Variants in FANCD2OS observed in about 807,000 individuals in gnomAD.
The protein encoded by FANCD2OS is FANCD2 opposite strand protein.
FANCD2OS carries 11 observed loss-of-function variants against 13.2 expected under a neutral mutation model. That is an observed-to-expected ratio of 0.83 (90% CI 0.52 to 1.38). The LOEUF (loss-of-function observed/expected upper bound fraction) is 1.38. FANCD2OS is among the 40% of genes most tolerant of loss of function. The pLI is 0.00. For missense variants in FANCD2OS, 217 were observed against 213.9 expected, an observed-to-expected ratio of 1.01 and a Z score of -0.09; for synonymous variants, 69 against 84.5, an observed-to-expected ratio of 0.82 and a Z score of 1.01.
At chr3:10,104,992 G>T (rs1468623940) in intron 1 of FANCD2OS, among the ~76,000 whole-genome samples, 1 of 152,006 alleles carries the variant, frequency 6.6e-6, no homozygotes, top group African/African-American at 2.4e-5. Flanking sequence ...TGTCACTCAG[G>T]CTGGAGTGCA....
chr3:10,106,799 G>A (rs1000278037), intron 1 of FANCD2OS, among the ~76,000 whole-genome samples: 35 of 152,200 alleles, frequency 2.3e-4, no homozygotes, highest in African/African-American at 7.5e-4. Context: ...CTGTAATCCC[G>A]GGTACTCAGG....
intron 2 of FANCD2OS, among the ~76,000 whole-genome samples, chr3:10,097,222 G>C (rs766592848): frequency 4.6e-5 from 7 of 152,200 alleles, no homozygotes; most frequent in Non-Finnish European, 5.9e-5. Context: ...TGCTAATGAA[G>C]TTTTGGGCAC....
intron 2 of FANCD2OS, among the ~76,000 whole-genome samples, chr3:10,091,293 C>G (rs1694593102): frequency 6.6e-6 from 1 of 151,644 alleles, no homozygotes; most frequent in Non-Finnish European, 1.5e-5. Flanking sequence ...GTTGCTCAGG[C>G]TGGTCTTGAA....
intron 2 of FANCD2OS, chr3:10,096,515 C>T (rs1694976010): frequency 5.0e-6 from 8 of 1,594,050 alleles, no homozygotes; most frequent in African/African-American, 1.3e-5. Flanking sequence ...TACTCTTATT[C>T]TTTGTGACAG....
At chr3:10,088,051 T>C (rs1694331513) in intron 2 of FANCD2OS, among the ~76,000 whole-genome samples, 1 of 152,168 alleles carries the variant, frequency 6.6e-6, no homozygotes, top group Non-Finnish European at 1.5e-5. Flanking sequence ...CAAACCTTTA[T>C]TTATCCCTAT....
At chr3:10,105,816 ATAT>A (rs1695482801) in intron 1 of FANCD2OS, among the ~76,000 whole-genome samples, 2 of 77,732 alleles carry the variant, frequency 2.6e-5, no homozygotes, top group Non-Finnish European at 5.0e-5. Context: ...ATATATATAT[ATAT>A]ATTTTGAGGT....
At chr3:10,093,274 C>G in intron 2 of FANCD2OS, 1 of 1,612,246 alleles carries the variant, frequency 6.2e-7, no homozygotes, top group East Asian at 2.2e-5. Context: ...TCTTGTCTTT[C>G]ACCTCTCCAG....
At chr3:10,100,544 G>A (rs1461375970), downstream of FANCD2OS, among the ~76,000 whole-genome samples, 1 of 152,130 alleles carries the variant, frequency 6.6e-6, no homozygotes, top group African/African-American at 2.4e-5. Flanking sequence ...GCTAGTTTTT[G>A]TATATTTAGT....
chr3:10,090,141 C>G, intron 2 of FANCD2OS: 1 of 654,504 alleles, frequency 1.5e-6, no homozygotes, highest in Non-Finnish European at 2.8e-6. Flanking sequence ...ATTACTGAGT[C>G]CTTTCCGCTC....
At position 10,104,714 on chromosome 3, in the gene FANCD2OS, G is replaced by T. The variant is rs757747853; in HGVS notation, c.61C>A (p.Arg21=). ...TPLDESFQWL[R]HTTPTPSSKH... ...GAGGAAGGTGTAGGTGTCGTGTGCC[G>T]CAGCCATTGGAAACTCTCATCCAGT... The change falls in exon 2 of 2, where the codon CGG becomes AGG. Residue 21 remains arginine, a synonymous_variant. Transcript: ENST00000450660. 1.9e-6 allele frequency: 3 copies of T among 1,611,016 alleles called. No homozygotes were observed. The African/African-American group carries it at 4.0e-5, about 22-fold the overall frequency.
At chr3:10,094,902 A>G (rs560851073) in intron 2 of FANCD2OS, 31 of 432,484 alleles carry the variant, frequency 7.2e-5, no homozygotes, top group South Asian at 6.9e-4. Context: ...TGAAAGAGAA[A>G]GGGAAGGTGG....
chr3:10,088,251 C>A (rs758004763), intron 2 of FANCD2OS, among the ~76,000 whole-genome samples: 1 of 152,096 alleles, frequency 6.6e-6, no homozygotes, highest in Non-Finnish European at 1.5e-5. Flanking sequence ...GAGCCTTAGG[C>A]AAATGAGTTT....
At chr3:10,101,344 C>G, downstream of FANCD2OS, 1 of 928,010 alleles carries the variant, frequency 1.1e-6, no homozygotes, top group Non-Finnish European at 1.8e-6. Flanking sequence ...CCGCTGTTTG[C>G]CTTTCTTACT....
chr3:10,086,126 C>A (rs1448710877), intron 2 of FANCD2OS, among the ~76,000 whole-genome samples: 3 of 152,206 alleles, frequency 2.0e-5, no homozygotes, highest in African/African-American at 7.2e-5. Context: ...CATGCTAAAT[C>A]TTCATGAATG....
intron 2 of FANCD2OS, chr3:10,085,731 G>A (rs1694153713): frequency 6.6e-6 from 6 of 910,060 alleles, no homozygotes; most frequent in South Asian, 3.9e-5. Flanking sequence ...TGATGGTACA[G>A]ACTGGAGGCC....
rs1694168766 is a variant in FANCD2OS, at chr3:10,085,900, C to G, written c.*44-4369G>C. The G allele has an allele frequency of 1.2e-6, 2 of 1,612,474 alleles. No individual in the cohort carries two copies. Among genetic ancestry groups the G allele is most frequent in the African/African-American group, 2.7e-5 (2 of 74,872 alleles). Reference sequence around the variant, plus strand: ...CCGACTGAAACAGGGAGAACACAGCCAGCCTTTGGAGGAACTACTCAGGTG... The same window carrying G: ...CCGACTGAAACAGGGAGAACACAGCGAGCCTTTGGAGGAACTACTCAGGTG... On this transcript the variant is annotated intron_variant, in intron 2 of 2. Coordinates refer to the FANCD2OS transcript ENST00000524279.
chr3:10,106,280 C>T (rs752549049), intron 1 of FANCD2OS, among the ~76,000 whole-genome samples: 13 of 152,152 alleles, frequency 8.5e-5, no homozygotes, highest in Non-Finnish European at 1.6e-4. Flanking sequence ...TCCATAAGAC[C>T]TTAATTTTCT....
rs375900703 is a variant in FANCD2OS at position 10,104,579 on chromosome 3, A to G, written c.196T>C (p.Ser66Pro). Residue 66 changes from serine to proline, a missense_variant, in exon 2 of 2, where the codon TCT (serine) becomes CCT (proline). Ser to Pro is a moderately conservative substitution (Grantham distance 74). Coordinates refer to ENST00000450660, the MANE Select transcript of FANCD2OS (RefSeq NM_001164839.2). ...CAGGGTAACTTGGGACTCACTCCAG[A>G]TTCCAGGAATGGGCTGTCTAGGACT... ...TLVLDSPFLE[S>P]GVSPKLPCHT... 28 of 1,614,076 alleles carry G rather than the reference A, an allele frequency of 1.7e-5. No individual in the cohort carries two copies. The highest frequency in any genetic ancestry group is 2.3e-5 in the Non-Finnish European group (27 of 1,180,040).
chr3:10,097,515 A>G (rs1011179408), intron 2 of FANCD2OS, among the ~76,000 whole-genome samples: 2 of 152,228 alleles, frequency 1.3e-5, no homozygotes, highest in South Asian at 4.1e-4. Flanking sequence ...AGGAAGAGAA[A>G]CATGGTTCTG....
Sources: allele counts gnomAD v4.1 joint callset (sites outside exome capture counted in the v4.1 genomes callset), GRCh38; gene constraint gnomAD v4.1.1; transcripts MANE v1.5; gene names NCBI Gene and HGNC (gene_info 2026-07-23, HGNC 2026-07-21).